PARP1: variants seen among roughly 807,000 people sequenced by gnomAD.
PARP1 encodes the protein poly [ADP-ribose] polymerase 1.
In PARP1, 44 loss-of-function variants were observed where a neutral mutation model predicts 118.7. The ratio of observed to expected loss-of-function variants is 0.37; its 90% CI spans 0.29 to 0.48. The LOEUF (loss-of-function observed/expected upper bound fraction) is 0.48, where lower values mean the gene tolerates loss of function less well. Among genes scored for constraint, PARP1 ranks in the 20% least tolerant of loss-of-function variants. The pLI, the probability that PARP1 is intolerant of heterozygous loss-of-function variation, is 0.99. For missense variants in PARP1, 1,100 were observed against 1,272.4 expected (o/e 0.86, Z 2.06); for synonymous variants, 492 against 483.2 (o/e 1.02, Z -0.24).
At chr1:226,378,173 G>T (rs889819091) in intron 12 of PARP1, among the ~76,000 whole-genome samples, 1 of 152,044 alleles carries the variant, frequency 6.6e-6, no homozygotes, top group African/African-American at 2.4e-5. Context: ...TAAGCCACCA[G>T]AAAAATGTCC....
intron 2 of PARP1, chr1:226,392,989 T>C: frequency 3.9e-6 from 6 of 1,536,444 alleles, no homozygotes; most frequent in African/African-American, 1.4e-5. Flanking sequence ...TTCTAGTAAG[T>C]GCATTAAGGA....
intron 15 of PARP1, among the ~76,000 whole-genome samples, chr1:226,368,976 G>A (rs935432058): frequency 2.6e-5 from 4 of 152,254 alleles, no homozygotes; most frequent in African/African-American, 9.6e-5. Context: ...AAGGGAATAT[G>A]AAGTGGCACC....
intron 3 of PARP1, among the ~76,000 whole-genome samples, chr1:226,391,558 T>C (rs928972744): frequency 6.6e-6 from 1 of 152,230 alleles, no homozygotes; most frequent in Non-Finnish European, 1.5e-5. Flanking sequence ...TTTTTGGTGG[T>C]TGAAGGTAGC....
chr1:226,398,609 G>A (rs568623583), intron 2 of PARP1, among the ~76,000 whole-genome samples: 1 of 151,066 alleles, frequency 6.6e-6, no homozygotes, highest in South Asian at 2.1e-4. Context: ...AAACGTATGA[G>A]AAGATGTTCA....
At chr1:226,362,777 G>A (rs1043877801) in intron 21 of PARP1, among the ~76,000 whole-genome samples, 3 of 152,052 alleles carry the variant, frequency 2.0e-5, no homozygotes, top group African/African-American at 7.2e-5. Flanking sequence ...TTCTCCTGTG[G>A]CATCTGTGAT....
At chr1:226,392,710 G>A in intron 2 of PARP1, 1 of 547,440 alleles carries the variant, frequency 1.8e-6, no homozygotes, top group South Asian at 2.6e-5. Flanking sequence ...ATTTACCAAA[G>A]TGTTGAATTA....
intron 5 of PARP1, among the ~76,000 whole-genome samples, chr1:226,388,161 T>G (rs968791300): frequency 6.6e-6 from 1 of 152,242 alleles, no homozygotes; most frequent in Non-Finnish European, 1.5e-5. Flanking sequence ...ATTTAATGGA[T>G]AGTTTTCTTC....
In PARP1 at chr1:226,381,113, A is replaced by C. The variant is rs2102736254; in HGVS notation, c.1255T>G (p.Leu419Val). ...GAAGCCTTGTTGGCCGTCCCCGTCAACTTCCCCCCGAGTTTCTCAATCATG... is the reference window on the plus strand; with the variant it reads ...GAAGCCTTGTTGGCCGTCCCCGTCACCTTCCCCCCGAGTTTCTCAATCATG... ...KAMIEKLGGKLTGTANKASLC... is the reference protein window; with the variant it reads ...KAMIEKLGGKVTGTANKASLC... Residue 419 changes from leucine to valine, a missense_variant, in exon 9 of 23, where the codon TTG (leucine) becomes GTG (valine). By Grantham distance (32) the Leu-to-Val change is conservative. Around this residue, in one of 2 missense-constraint regions of PARP1, gnomAD observed 948 missense variants for 1,031.8 expected, o/e 0.92. Transcript: ENST00000366794. 6.2e-7 allele frequency: 1 copy of C among 1,614,162 alleles called. No homozygotes were observed. The highest frequency in any genetic ancestry group is 8.5e-7 in the Non-Finnish European group (1 of 1,180,022).
chr1:226,369,793 A>G (rs1386375032), intron 15 of PARP1, among the ~76,000 whole-genome samples: 2 of 152,138 alleles, frequency 1.3e-5, no homozygotes, highest in East Asian at 3.9e-4. Context: ...CACCTCTACT[A>G]AAAATACAAA....
intron 2 of PARP1, among the ~76,000 whole-genome samples, chr1:226,397,287 T>C (rs1358369961): frequency 6.6e-6 from 1 of 152,134 alleles, no homozygotes; most frequent in Admixed American, 6.6e-5. Context: ...TGCCGGTACA[T>C]TCCAGCCTAG....
Position 226,361,378 on chromosome 1 carries a change from A to G in PARP1, c.*82T>C. 1.2e-6 allele frequency: 1 copy of G among 861,338 alleles called. No individual in the cohort carries two copies. The highest frequency in any genetic ancestry group is 2.5e-5 in the East Asian group (1 of 39,370). The allele number at this position is 861,338 out of a possible 1,614,324, so 53.4% of individuals were successfully genotyped here. A position where few individuals can be genotyped will look rare whatever the true frequency, so the allele number is the denominator to read the frequency against. ...TACAGGTACTACCCATCAGCAACTTAGCGGCCAGGTGAGTTGGTGCAGAAG... is the reference window on the plus strand; with the variant it reads ...TACAGGTACTACCCATCAGCAACTTGGCGGCCAGGTGAGTTGGTGCAGAAG... On this transcript the variant is annotated 3_prime_UTR_variant, in exon 23 of 23. Transcript: ENST00000366794.
At chr1:226,384,992 C>A (rs1448039267) in intron 7 of PARP1, among the ~76,000 whole-genome samples, 2 of 152,196 alleles carry the variant, frequency 1.3e-5, no homozygotes, top group Non-Finnish European at 2.9e-5. Context: ...TAGAACCCCA[C>A]CAGCCGGCTC....
At chr1:226,407,741 C>CCCCCCA in intron 1 of PARP1, 69 bp downstream of exon 1, 1 of 1,516,964 alleles carries the variant, frequency 6.6e-7, no homozygotes, top group Non-Finnish European at 8.9e-7. Flanking sequence ...CGCCCTCCCC[C>CCCCCCA]AGCCTTCCCG....
intron 15 of PARP1, among the ~76,000 whole-genome samples, chr1:226,369,054 A>G (rs974746635): frequency 1.3e-5 from 2 of 152,226 alleles, no homozygotes; most frequent in African/African-American, 4.8e-5. Context: ...TACAACTTCC[A>G]TCTGTGCTGC....
intron 1 of PARP1, among the ~76,000 whole-genome samples, chr1:226,406,157 C>T (rs1665142242): frequency 6.7e-6 from 1 of 149,604 alleles, no homozygotes; most frequent in South Asian, 2.1e-4. Context: ...ATGAAAATAT[C>T]TGTAATTATC....
At chr1:226,391,406 C>A (rs915755530) in intron 3 of PARP1, among the ~76,000 whole-genome samples, 5 of 152,144 alleles carry the variant, frequency 3.3e-5, no homozygotes, top group African/African-American at 1.2e-4. Flanking sequence ...CTGATATTCC[C>A]AGGAGAGTTC....
chr1:226,407,196 A>G (rs1665166298), intron 1 of PARP1, among the ~76,000 whole-genome samples: 1 of 152,150 alleles, frequency 6.6e-6, no homozygotes, highest in Non-Finnish European at 1.5e-5. Flanking sequence ...GCACCAAGAG[A>G]ACGCGTCTGT....
rs1246153672 is a variant in PARP1, at chr1:226,390,517, C to T, written c.510G>A (p.Leu170=). 1 of 1,614,212 alleles carries T rather than the reference C, an allele frequency of 6.2e-7. No homozygotes were observed. Among genetic ancestry groups the T allele is most frequent in the Non-Finnish European group, 8.5e-7 (1 of 1,180,036 alleles). Residue 170 remains leucine (L), a synonymous_variant, in exon 4 of 23, where the codon CTG becomes CTA. Coordinates refer to ENST00000366794, the MANE Select transcript of PARP1 (RefSeq NM_001618.4). Reference sequence around the variant, plus strand: ...TCGCACTGTACTCGGGCCGGAAACCCAGCTCCTCCCTGTTCTTGACAAAGC... The same window carrying T: ...TCGCACTGTACTCGGGCCGGAAACCTAGCTCCTCCCTGTTCTTGACAAAGC... The part of the protein sequence containing the change: ...PGCFVKNREE[L]GFRPEYSASQ...
intron 1 of PARP1, among the ~76,000 whole-genome samples, chr1:226,403,763 C>G (rs1170855285): frequency 6.6e-6 from 1 of 152,232 alleles, no homozygotes; most frequent in Non-Finnish European, 1.5e-5. Context: ...CAACTGTGAT[C>G]TGACTAAAGT....
Sources: gnomAD v4.1 joint callset for allele counts (sites outside exome capture counted in the v4.1 genomes callset) on GRCh38, gnomAD v4.1.1 for gene constraint, gnomAD v4.1.1 regional missense constraint, MANE v1.5 for transcripts, NCBI Gene and HGNC (gene_info 2026-07-23, HGNC 2026-07-21) for gene names.